SOBP: variants seen among roughly 807,000 people sequenced by gnomAD.
SOBP encodes the protein sine oculis binding protein homolog.
In SOBP, 4 loss-of-function variants were observed where a neutral mutation model predicts 53.6. That is an observed-to-expected ratio of 0.07 (90% CI 0.04 to 0.17). The LOEUF is 0.17. Among genes scored for constraint, SOBP ranks in the 10% least tolerant of loss-of-function variants. The pLI, the probability that SOBP is intolerant of heterozygous loss-of-function variation, is 1.00. For synonymous variants in SOBP, 584 were observed against 522.6 expected, an observed-to-expected ratio of 1.12 and a Z score of -1.60; for missense variants, 1,088 against 1,204.7, an observed-to-expected ratio of 0.90 and a Z score of 1.43.
intron 6 of SOBP, among the ~76,000 whole-genome samples, chr6:107,652,318 C>T (rs986987667): frequency 6.6e-6 from 1 of 152,156 alleles, no homozygotes; most frequent in Non-Finnish European, 1.5e-5. Context: ...TTCCAACACT[C>T]GTGGATGACT....
chr6:107,626,898 C>A lies in SOBP; in HGVS notation c.670-6616C>A, dbSNP rs117612242. ...CAGAGGGATTAAATGCCTGGCTCCA[C>A]TGGGAGCTGGAGGTTGGAGGAGAGG... On this transcript the variant is annotated intron_variant, in intron 5 of 6. Coordinates refer to ENST00000317357, the MANE Select transcript of SOBP (RefSeq NM_018013.4). Among the ~76,000 whole-genome samples, 1,224 of 152,258 alleles carry A rather than the reference C, an allele frequency of 8.0e-3. 21 individuals are homozygous for A. Among genetic ancestry groups the A allele is most frequent in the East Asian group, 0.055 (283 of 5,178 alleles).
intron 1 of SOBP, among the ~76,000 whole-genome samples, chr6:107,501,324 T>G (rs1272177394): frequency 6.6e-6 from 1 of 152,230 alleles, no homozygotes; most frequent in Non-Finnish European, 1.5e-5. Context: ...AAAGGCTGAA[T>G]GGATTTGCAG....
chr6:107,539,823 A>C (rs187368538), intron 4 of SOBP, among the ~76,000 whole-genome samples: 1 of 152,110 alleles, frequency 6.6e-6, no homozygotes, highest in Middle Eastern at 3.4e-3. Context: ...TATCTGAAGA[A>C]TGAGCGTTTA....
chr6:107,568,858 C>A (rs1784991330), intron 4 of SOBP, among the ~76,000 whole-genome samples: 1 of 152,136 alleles, frequency 6.6e-6, no homozygotes, highest in African/African-American at 2.4e-5. Flanking sequence ...CTGAGAGAAA[C>A]CTTCATGCAT....
At chr6:107,580,248 C>T (rs1271874541) in intron 4 of SOBP, among the ~76,000 whole-genome samples, 1 of 152,212 alleles carries the variant, frequency 6.6e-6, no homozygotes, top group Admixed American at 6.5e-5. Context: ...GCCCTCCACC[C>T]AAGCTGCATG....
intron 4 of SOBP, among the ~76,000 whole-genome samples, chr6:107,569,948 C>T (rs963824061): frequency 1.4e-5 from 2 of 147,458 alleles, no homozygotes; most frequent in Non-Finnish European, 2.9e-5. Context: ...CAGCTCGAAC[C>T]TCATCCTTCT....
At chr6:107,646,509 C>T (rs766732496) in intron 6 of SOBP, among the ~76,000 whole-genome samples, 5 of 152,282 alleles carry the variant, frequency 3.3e-5, no homozygotes, top group South Asian at 4.1e-4. Context: ...CTTGCAGCAG[C>T]GGACTTCACG....
At chr6:107,513,081 T>G (rs537969696) in intron 3 of SOBP, among the ~76,000 whole-genome samples, 2 of 152,216 alleles carry the variant, frequency 1.3e-5, no homozygotes, top group African/African-American at 4.8e-5. Context: ...TGTTTGCACA[T>G]GTGAAGTAAA....
intron 4 of SOBP, 35 bp downstream of exon 4, chr6:107,533,645 G>A (rs1258875096): frequency 1.2e-6 from 2 of 1,613,494 alleles, no homozygotes; most frequent in East Asian, 2.2e-5. Flanking sequence ...GCCCCCCACA[G>A]GCCTCACCAG....
chr6:107,611,272 A>G (rs1416482971), intron 5 of SOBP, among the ~76,000 whole-genome samples: 2 of 152,192 alleles, frequency 1.3e-5, no homozygotes, highest in African/African-American at 4.8e-5. Flanking sequence ...TCTCCCAGAG[A>G]GGGGAAGAAA....
At chr6:107,579,425 G>C (rs915073381) in intron 4 of SOBP, among the ~76,000 whole-genome samples, 1 of 152,024 alleles carries the variant, frequency 6.6e-6, no homozygotes, top group Non-Finnish European at 1.5e-5. Flanking sequence ...AGGAAAAATA[G>C]ATTTAAAAAT....
intron 5 of SOBP, among the ~76,000 whole-genome samples, chr6:107,613,184 G>A (rs900138191): frequency 6.6e-6 from 1 of 152,196 alleles, no homozygotes; most frequent in African/African-American, 2.4e-5. Context: ...AACGCTAGGT[G>A]GAGGCTGTGT....
At position 107,633,775 on chromosome 6, in the gene SOBP, G is replaced by T. The variant is rs753921025; in HGVS notation, c.931G>T (p.Ala311Ser). Reference protein sequence around the residue: ...NIPLTDARRKAPSPVATAGQS... With the variant: ...NIPLTDARRKSPSPVATAGQS... ...CCCGCTAACAGATGCTCGGAGGAAG[G>T]CCCCCTCCCCGGTGGCTACAGCTGG... The change falls in exon 6 of 7, where the codon GCC becomes TCC. Residue 311 changes from alanine to serine, a missense_variant. By Grantham distance (99) the Ala-to-Ser change is moderately conservative (BLOSUM62 1). This residue lies in a region of SOBP where 211 missense variants were observed against 258.9 expected (regional missense o/e 0.82). Coordinates refer to ENST00000317357, the MANE Select transcript of SOBP (RefSeq NM_018013.4). 6.2e-7 allele frequency: 1 copy of T among 1,614,082 alleles called. No homozygotes were observed. Among genetic ancestry groups the T allele is most frequent in the Admixed American group, 1.7e-5 (1 of 60,014 alleles).
intron 5 of SOBP, among the ~76,000 whole-genome samples, chr6:107,608,328 GA>G (rs1430688378): frequency 6.6e-6 from 1 of 151,986 alleles, no homozygotes; most frequent in Non-Finnish European, 1.5e-5. Flanking sequence ...TGAATGAGAT[GA>G]AAAAAATGGG....
intron 3 of SOBP, among the ~76,000 whole-genome samples, chr6:107,509,480 CT>C (rs949920942): frequency 6.7e-6 from 1 of 149,240 alleles, no homozygotes; most frequent in African/African-American, 2.5e-5. Context: ...GACCTTTTTT[CT>C]TTTTTTTTGC....
chr6:107,577,594 G>A (rs1290976099), intron 4 of SOBP, among the ~76,000 whole-genome samples: 1 of 152,188 alleles, frequency 6.6e-6, no homozygotes, highest in Non-Finnish European at 1.5e-5. Context: ...AGTCTGTACA[G>A]CATCACCTAC....
intron 4 of SOBP, among the ~76,000 whole-genome samples, chr6:107,549,557 C>T (rs1784406552): frequency 6.6e-6 from 1 of 151,864 alleles, no homozygotes; most frequent in Non-Finnish European, 1.5e-5. Flanking sequence ...GGAGTTAGAA[C>T]TTTATATTTC....
At chr6:107,578,073 CAAAAAAAAAAAA>C (rs11362582) in intron 4 of SOBP, among the ~76,000 whole-genome samples, 3 of 87,454 alleles carry the variant, frequency 3.4e-5, no homozygotes, top group Non-Finnish European at 6.8e-5. Context: ...GACTCTGTCT[CAAAAAAAAAAAA>C]AAAAAAAAAA....
intron 5 of SOBP, among the ~76,000 whole-genome samples, chr6:107,609,267 A>C (rs993494719): frequency 6.6e-6 from 1 of 152,228 alleles, no homozygotes; most frequent in African/African-American, 2.4e-5. Flanking sequence ...GTAAATAGGC[A>C]TTCTAATATT....
Sources: allele counts gnomAD v4.1 joint callset (sites outside exome capture counted in the v4.1 genomes callset), GRCh38; gene constraint gnomAD v4.1.1; regional missense constraint gnomAD v4.1.1; transcripts MANE v1.5; gene names NCBI Gene and HGNC (gene_info 2026-07-23, HGNC 2026-07-21).